Variants in NCOA3 observed in about 807,000 individuals in gnomAD.
The protein encoded by NCOA3 is nuclear receptor coactivator 3.
NCOA3 carries 51 observed loss-of-function variants against 158.8 expected under a neutral mutation model. That is an observed-to-expected ratio of 0.32 (90% CI 0.26 to 0.41). NCOA3 has a LOEUF of 0.41. NCOA3 is among the 10% of genes least tolerant of loss of function. The pLI is 1.00. For missense variants in NCOA3, 1,510 were observed against 1,746.6 expected, an observed-to-expected ratio of 0.86 and a Z score of 2.41; for synonymous variants, 537 against 592.4, an observed-to-expected ratio of 0.91 and a Z score of 1.36.
At chr20:47,570,049 G>A (rs2085267405) in intron 1 of NCOA3, among the ~76,000 whole-genome samples, 1 of 152,008 alleles carries the variant, frequency 6.6e-6, no homozygotes, top group African/African-American at 2.4e-5. Context: ...GCTCCTTTAA[G>A]AACTATGTTT....
intron 1 of NCOA3, among the ~76,000 whole-genome samples, chr20:47,520,859 A>G (rs996090553): frequency 6.6e-6 from 1 of 152,174 alleles, no homozygotes; most frequent in Non-Finnish European, 1.5e-5. Context: ...GCTGGTATAA[A>G]TCCCACGGCA....
chr20:47,504,572 A>C (rs1164568805), intron 1 of NCOA3, among the ~76,000 whole-genome samples: 2 of 148,958 alleles, frequency 1.3e-5, no homozygotes, highest in Admixed American at 6.8e-5. Flanking sequence ...TGGGAAGCCA[A>C]GGCTGGTGGA....
intron 1 of NCOA3, among the ~76,000 whole-genome samples, chr20:47,551,210 G>C (rs1206875): frequency 0.37 from 55,824 of 151,928 alleles, 10,377 homozygotes; most frequent in Middle Eastern, 0.43. Context: ...TAATATCTTG[G>C]AAGTGACTAC....
At chr20:47,607,995 T>C (rs962042929) in intron 2 of NCOA3, among the ~76,000 whole-genome samples, 8 of 152,170 alleles carry the variant, frequency 5.3e-5, no homozygotes, top group Non-Finnish European at 1.2e-4. Flanking sequence ...TTGTTATTTA[T>C]GTTAATATAT....
At chr20:47,615,486 G>A (rs2086117330) in intron 2 of NCOA3, among the ~76,000 whole-genome samples, 1 of 152,080 alleles carries the variant, frequency 6.6e-6, no homozygotes, top group Admixed American at 6.5e-5. Flanking sequence ...TTTCCCTCCT[G>A]TCTTAATCCC....
chr20:47,632,450 C>T lies in NCOA3; in HGVS notation c.824-1046C>T, dbSNP rs190522549. Among the ~76,000 whole-genome samples the T allele has an allele frequency of 2.4e-3, 357 of 149,732 alleles. 1 individual carries two copies. The highest frequency in any genetic ancestry group is 4.5e-3 in the Non-Finnish European group (306 of 67,736). On this transcript the variant is annotated intron_variant, in intron 8 of 22. Coordinates refer to ENST00000371998, the MANE Select transcript of NCOA3 (RefSeq NM_181659.3). ...TTGCCTAGGCTGGAGTGCAGTGGCACGATCTCAGCTCACTGTAACCTCTGC... is the reference window on the plus strand; with the variant it reads ...TTGCCTAGGCTGGAGTGCAGTGGCATGATCTCAGCTCACTGTAACCTCTGC...
chr20:47,557,182 C>T (rs1160239546), intron 1 of NCOA3, among the ~76,000 whole-genome samples: 1 of 152,176 alleles, frequency 6.6e-6, no homozygotes, highest in African/African-American at 2.4e-5. Context: ...CAAGGGATAT[C>T]TTTCATATTT....
At chr20:47,638,070 A>C (rs1327415938) in intron 13 of NCOA3, among the ~76,000 whole-genome samples, 1 of 152,224 alleles carries the variant, frequency 6.6e-6, no homozygotes, top group Non-Finnish European at 1.5e-5. Flanking sequence ...TACTGTAGGT[A>C]CTAGGGCATA....
At chr20:47,542,014 T>TTTGC (rs1297110070) in intron 1 of NCOA3, among the ~76,000 whole-genome samples, 6 of 110,688 alleles carry the variant, frequency 5.4e-5, no homozygotes, top group African/African-American at 1.7e-4. Context: ...GTAGAGTTTT[T>TTTGC]TTTTTTTTTT....
At chr20:47,586,386 C>T (rs1361840492) in intron 2 of NCOA3, among the ~76,000 whole-genome samples, 1 of 151,960 alleles carries the variant, frequency 6.6e-6, no homozygotes, top group Non-Finnish European at 1.5e-5. Context: ...CGTAAACACA[C>T]ACACAATTTT....
chr20:47,620,179 C>T (rs1160126808), intron 2 of NCOA3, among the ~76,000 whole-genome samples: 1 of 152,188 alleles, frequency 6.6e-6, no homozygotes, highest in African/African-American at 2.4e-5. Context: ...TTGGCGTGAT[C>T]ATAACTCACT....
At chr20:47,545,075 G>T (rs1326041016) in intron 1 of NCOA3, among the ~76,000 whole-genome samples, 1 of 150,838 alleles carries the variant, frequency 6.6e-6, no homozygotes, top group Non-Finnish European at 1.5e-5. Flanking sequence ...CTGTCTTCTG[G>T]CACAGAGCAT....
At chr20:47,566,371 ACCATTATATAG>A (rs56091045) in intron 1 of NCOA3, among the ~76,000 whole-genome samples, 29,167 of 152,016 alleles carry the variant, frequency 0.19, 3,460 homozygotes, top group Middle Eastern at 0.28. Context: ...AATGAAATCC[ACCATTATATAG>A]CGCTATCTGT....
intron 1 of NCOA3, among the ~76,000 whole-genome samples, chr20:47,522,297 T>A (rs1268133721): frequency 2.0e-5 from 3 of 151,602 alleles, no homozygotes; most frequent in Admixed American, 1.3e-4. Flanking sequence ...AGAGACGGGG[T>A]TTCACCATGT....
chr20:47,608,127 A>G (rs959490902), intron 2 of NCOA3, among the ~76,000 whole-genome samples: 1 of 152,116 alleles, frequency 6.6e-6, no homozygotes, highest in Non-Finnish European at 1.5e-5. Flanking sequence ...CCTGGCCAAC[A>G]TGGTGAAACC....
intron 1 of NCOA3, among the ~76,000 whole-genome samples, chr20:47,515,628 G>A (rs145409562): frequency 2.8e-3 from 422 of 151,988 alleles, no homozygotes; most frequent in Non-Finnish European, 5.0e-3. Flanking sequence ...GGGACTAGAG[G>A]CATGCACCAC....
rs746123756 is a variant in NCOA3 at position 47,627,555 on chromosome 20, C to T, written c.533-6C>T. On this transcript the variant is annotated splice_region_variant and splice_polypyrimidine_tract_variant and intron_variant, in intron 6 of 22. Transcript: ENST00000371998. ...TTAAAATGTCATTTCAATTTGTTTT[C>T]CAAAGTTAATGGAGTTTCCTGGACA... is the stretch of plus-strand genomic sequence containing the variant. The T allele has an allele frequency of 1.3e-6, 2 of 1,586,444 alleles. No homozygotes were observed. The highest frequency in any genetic ancestry group is 3.7e-5 in the Admixed American group (2 of 53,818).
At chr20:47,628,143 A>T in intron 8 of NCOA3, 120 bp downstream of exon 8, 1 of 625,282 alleles carries the variant, frequency 1.6e-6, no homozygotes, top group African/African-American at 1.8e-5. Flanking sequence ...ACCTACTGTA[A>T]TGAGTGCTTT....
chr20:47,642,443 CA>C, intron 17 of NCOA3, 59 bp downstream of exon 17: 1 of 1,238,344 alleles, frequency 8.1e-7, no homozygotes, highest in Admixed American at 3.2e-5. Context: ...CGCGCGTACA[CA>C]TTCATGAAGC....
Sources: gnomAD v4.1 joint callset for allele counts (sites outside exome capture counted in the v4.1 genomes callset) on GRCh38, gnomAD v4.1.1 for gene constraint, MANE v1.5 for transcripts, NCBI Gene and HGNC (gene_info 2026-07-23, HGNC 2026-07-21) for gene names.